Variants in BAHCC1 observed in about 807,000 individuals in gnomAD.
The protein encoded by BAHCC1 is BAH and coiled-coil domain-containing protein 1.
A neutral mutation model predicts 88.2 loss-of-function variants in BAHCC1; 43 were observed. The ratio of observed to expected loss-of-function variants is 0.49; its 90% CI spans 0.38 to 0.63. BAHCC1 has a LOEUF of 0.63. Among genes scored for constraint, BAHCC1 ranks in the 20% least tolerant of loss-of-function variants. The pLI, the probability that BAHCC1 is intolerant of heterozygous loss-of-function variation, is 0.00. For synonymous variants in BAHCC1, 1,510 were observed against 745.5 expected (o/e 2.03, Z -16.71); for missense variants, 3,023 against 1,654.8 (o/e 1.83, Z -14.34).
chr17:81,418,808 T>TGC (rs781892011), intron 2 of BAHCC1, among the ~76,000 whole-genome samples: 6 of 80,702 alleles, frequency 7.4e-5, no homozygotes, highest in Admixed American at 3.0e-4. Flanking sequence ...TGTGTGTGTG[T>TGC]ACGTGTGTGT....
rs1197057804 is a variant in BAHCC1 at position 81,435,734 on chromosome 17, C to G, written c.359-2636C>G. 6.6e-6 allele frequency among the ~76,000 whole-genome samples: 1 copy of G among 151,906 alleles called. No homozygotes were observed. The highest frequency in any genetic ancestry group is 6.5e-5 in the Admixed American group (1 of 15,268). ...CCCCCTGGAGCCCTCCCCAGGACCACCACCCCCACTCCTCAGTGGCAACCC... is the reference window on the plus strand; with the variant it reads ...CCCCCTGGAGCCCTCCCCAGGACCAGCACCCCCACTCCTCAGTGGCAACCC... On this transcript the variant is annotated intron_variant, in intron 3 of 27. Transcript: ENST00000675386. The surrounding 1 kb of genome is among the most constrained non-coding windows in gnomAD (Gnocchi z 4.4).
At chr17:81,445,774 A>T (rs2064515590) in intron 10 of BAHCC1, 93 bp downstream of exon 10, 1 of 653,890 alleles carries the variant, frequency 1.5e-6, no homozygotes, top group Non-Finnish European at 2.8e-6. Flanking sequence ...GGCTGCCTGC[A>T]GGGAGGCGCC....
At chr17:81,425,374 TTGG>T (rs1453531074) in intron 2 of BAHCC1, among the ~76,000 whole-genome samples, 1 of 114,280 alleles carries the variant, frequency 8.8e-6, no homozygotes, top group Non-Finnish European at 1.8e-5. Flanking sequence ...GGTGATGTGG[TTGG>T]TGGTGTGGTT....
chr17:81,417,353 TA>T (rs1404534059), intron 2 of BAHCC1, among the ~76,000 whole-genome samples: 2 of 152,042 alleles, frequency 1.3e-5, no homozygotes, highest in Admixed American at 1.3e-4. Context: ...CAGAGTGTCT[TA>T]GGGGCAAGGG....
intron 2 of BAHCC1, among the ~76,000 whole-genome samples, chr17:81,405,923 G>T (rs2063872691): frequency 6.6e-6 from 1 of 152,200 alleles, no homozygotes; most frequent in Non-Finnish European, 1.5e-5. Flanking sequence ...CTTTTGGAGT[G>T]GTCTTCTCAG....
rs1555659602 is a variant in BAHCC1 at position 81,461,889 on chromosome 17, G to A, written c.7226G>A (p.Ser2409Asn). 1.4e-6 allele frequency: 1 copy of A among 732,904 alleles called. No homozygotes were observed. The highest frequency in any genetic ancestry group is 1.7e-5 in the African/African-American group (1 of 57,736). The allele number at this position is 732,904 out of a possible 1,614,324, so 45.4% of individuals were successfully genotyped here. ...GTGAGSGPSS[S>N]SKSKLKRKEA... The stretch of plus-strand genomic sequence containing the variant: ...GGTGCGGGCTCAGGCCCCAGCAGCA[G>A]CAGCAAATCCAAGCTCAAGCGCAAA... The change falls in exon 26 of 28, where the codon AGC (serine) becomes AAC (asparagine). Residue 2409 changes from serine (S) to asparagine (N), a missense_variant. Ser to Asn is a conservative substitution (Grantham distance 46, BLOSUM62 1). Coordinates refer to ENST00000675386, the MANE Select transcript of BAHCC1 (RefSeq NM_001377448.1).
At chr17:81,463,386 T>A (rs1292065911) in intron 27 of BAHCC1, among the ~76,000 whole-genome samples, 1 of 152,226 alleles carries the variant, frequency 6.6e-6, no homozygotes, top group Non-Finnish European at 1.5e-5. Context: ...AGTATTTCTC[T>A]GACTCCGACA....
At position 81,434,998 on chromosome 17, in the gene BAHCC1, C is replaced by T. The variant is rs529199658; in HGVS notation, c.359-3372C>T. Among the ~76,000 whole-genome samples, 3 of 152,014 alleles carry T rather than the reference C, an allele frequency of 2.0e-5. No homozygotes were observed. In the South Asian group the frequency reaches 6.2e-4, roughly 31 times the overall value. ...ACCAGGCCTCCCTTCTCCAGGTGGG[C>T]AGGAGGAAAGGAAGGGTCCCCTCAC... is the stretch of plus-strand genomic sequence containing the variant. On this transcript the variant is annotated intron_variant, in intron 3 of 27. Coordinates refer to ENST00000675386, the MANE Select transcript of BAHCC1 (RefSeq NM_001377448.1). The surrounding 1 kb of genome is among the most constrained non-coding windows in gnomAD (Gnocchi z 4.9).
At chr17:81,397,243 A>G (rs2063754910) in intron 1 of BAHCC1, 2 of 152,140 alleles carry the variant, frequency 1.3e-5, no homozygotes, top group South Asian at 4.1e-4. Context: ...GTTTGCTTAA[A>G]AAGTCGAGCA....
chr17:81,404,243 C>T (rs1555646538), intron 2 of BAHCC1, among the ~76,000 whole-genome samples: 1 of 152,176 alleles, frequency 6.6e-6, no homozygotes, highest in African/African-American at 2.4e-5. Context: ...AAAAATATTC[C>T]AGGCTTTGGC....
At chr17:81,407,844 GCA>G (rs1457439819) in intron 2 of BAHCC1, among the ~76,000 whole-genome samples, 1 of 152,190 alleles carries the variant, frequency 6.6e-6, no homozygotes, top group African/African-American at 2.4e-5. Context: ...GTGTTCACCT[GCA>G]CACACACACT....
chr17:81,417,746 C>T (rs2064053748), intron 2 of BAHCC1, among the ~76,000 whole-genome samples: 2 of 152,216 alleles, frequency 1.3e-5, no homozygotes, highest in African/African-American at 4.8e-5. Context: ...CCTATTAAGG[C>T]CTGAGAGACG....
chr17:81,406,120 TGA>T (rs1420822996), intron 2 of BAHCC1, among the ~76,000 whole-genome samples: 1 of 152,214 alleles, frequency 6.6e-6, no homozygotes, highest in African/African-American at 2.4e-5. Flanking sequence ...TCATCCTGAA[TGA>T]GAGGTTTCCA....
At chr17:81,409,383 G>A (rs1306507930) in intron 2 of BAHCC1, among the ~76,000 whole-genome samples, 15 of 152,336 alleles carry the variant, frequency 9.8e-5, no homozygotes, top group Non-Finnish European at 1.5e-4. Context: ...CTGGAGCTGC[G>A]CCGGCTGAGT....
At chr17:81,437,644 G>T (rs1324355945) in intron 3 of BAHCC1, among the ~76,000 whole-genome samples, 1 of 152,256 alleles carries the variant, frequency 6.6e-6, no homozygotes, top group Non-Finnish European at 1.5e-5. Context: ...TTCCTGTGCT[G>T]GGCAGGGGCA....
chr17:81,419,855 C>T (rs1299635397), intron 2 of BAHCC1, among the ~76,000 whole-genome samples: 1 of 148,310 alleles, frequency 6.7e-6, no homozygotes, highest in South Asian at 2.2e-4. Flanking sequence ...GCTGTCTCGG[C>T]GGCTCACTTA....
At position 81,445,686 on chromosome 17, in the gene BAHCC1, G is replaced by A. The variant is rs1555654170; in HGVS notation, c.3163+5G>A. 1.4e-6 allele frequency: 1 copy of A among 724,800 alleles called. No individual in the cohort carries two copies. The allele number at this position is 724,800 out of a possible 1,614,324, so 44.9% of individuals were successfully genotyped here. ...ACATCATCACATCCGAACCAGGTGA[G>A]AGTAGCCGCCTGGCCCGGCCCACTG... On this transcript the variant is annotated splice_donor_5th_base_variant and intron_variant, in intron 10 of 27. Coordinates refer to ENST00000675386, the MANE Select transcript of BAHCC1 (RefSeq NM_001377448.1).
rs148138277 is a variant in BAHCC1, at chr17:81,459,913, C to T, written c.5905+309C>T. On this transcript the variant is annotated intron_variant, in intron 23 of 27. Coordinates refer to ENST00000675386, the MANE Select transcript of BAHCC1 (RefSeq NM_001377448.1). The stretch of plus-strand genomic sequence containing the variant: ...TCCCCTGGGCAAAACCTCCTGACTA[C>T]AGGCAGGGGCATGTAGGTCCCTAGG... Among the ~76,000 whole-genome samples the T allele has an allele frequency of 3.8e-3, 573 of 152,248 alleles. 4 individuals are homozygous for T. The highest frequency in any genetic ancestry group is 0.013 in the African/African-American group (551 of 41,548).
At chr17:81,400,661 G>A (rs374604393) in intron 2 of BAHCC1, 1 of 152,934 alleles carries the variant, frequency 6.5e-6, no homozygotes, top group East Asian at 1.9e-4. Flanking sequence ...GCTCCAAGAG[G>A]AGAGCGAGGC....
Sources: allele counts gnomAD v4.1 joint callset (sites outside exome capture counted in the v4.1 genomes callset), GRCh38; gene constraint gnomAD v4.1.1; non-coding constraint Gnocchi (gnomAD v3.1); transcripts MANE v1.5; gene names NCBI Gene and HGNC (gene_info 2026-07-23, HGNC 2026-07-21).